The following PREP variants were observed in gnomAD, a reference collection of about 807,000 sequenced individuals.
The protein encoded by PREP is dJ355L5.1 (prolyl endopeptidase).
In PREP, 29 loss-of-function variants were observed where a neutral mutation model predicts 87.6. The ratio of observed to expected loss-of-function variants is 0.33; its 90% CI spans 0.25 to 0.45. The LOEUF (loss-of-function observed/expected upper bound fraction) is 0.45, where lower values mean the gene tolerates loss of function less well. Among genes scored for constraint, PREP ranks in the 20% least tolerant of loss-of-function variants. The pLI is 1.00. For missense variants in PREP, 695 were observed against 886.5 expected (o/e 0.78, Z 2.74); for synonymous variants, 337 against 328.6 (o/e 1.03, Z -0.28).
intron 10 of PREP, chr6:105,323,098 G>T: frequency 1.5e-6 from 2 of 1,304,146 alleles, no homozygotes; most frequent in Non-Finnish European, 1.0e-6. Context: ...GGAAGACTCA[G>T]TACCCTTGGG....
intron 14 of PREP, chr6:105,280,622 G>C (rs1189347457): frequency 6.6e-6 from 1 of 151,886 alleles, no homozygotes; most frequent in African/African-American, 2.4e-5. Flanking sequence ...TTGAGACAGG[G>C]TCTTGGAATG....
In PREP at chr6:105,377,431, A is replaced by AG; in HGVS notation, c.208dup (p.Leu70ProfsTer3). ...GCAACTATACTTGGGATAATCATAT[A>AG]GTTCAGTCATTCTCTCTTTGTATAA... is the stretch of plus-strand genomic sequence containing the variant. On this transcript the variant is annotated frameshift_variant, in exon 3 of 15. Coordinates refer to ENST00000652536, the MANE Select transcript of PREP (RefSeq NM_002726.5). LOFTEE classifies it high-confidence loss of function. 2 of 1,613,688 alleles carry AG rather than the reference A, an allele frequency of 1.2e-6. No homozygotes were observed. The highest frequency in any genetic ancestry group is 8.5e-7 in the Non-Finnish European group (1 of 1,179,698).
intron 6 of PREP, among the ~76,000 whole-genome samples, chr6:105,368,325 A>C (rs1407235129): frequency 1.3e-5 from 2 of 152,220 alleles, no homozygotes; most frequent in African/African-American, 4.8e-5. Context: ...TTCACAGCTG[A>C]TTCTCAAAAT....
At chr6:105,344,352 C>T (rs558004746) in intron 7 of PREP, among the ~76,000 whole-genome samples, 28 of 152,122 alleles carry the variant, frequency 1.8e-4, no homozygotes, top group African/African-American at 5.5e-4. Flanking sequence ...ATTAGCCAGG[C>T]GTGGTGGCGG....
intron 10 of PREP, chr6:105,322,721 G>A (rs1583054732): frequency 1.0e-6 from 1 of 1,003,568 alleles, no homozygotes; most frequent in East Asian, 9.7e-5. Flanking sequence ...AACTGCTGAT[G>A]TAGAACAGGG....
intron 2 of PREP, among the ~76,000 whole-genome samples, chr6:105,391,742 G>C (rs151212547): frequency 1.3e-5 from 2 of 152,232 alleles, no homozygotes; most frequent in Non-Finnish European, 2.9e-5. Flanking sequence ...CTAAGGGACC[G>C]GGAGACCGAC....
At chr6:105,329,573 T>G (rs1771266642) in intron 8 of PREP, among the ~76,000 whole-genome samples, 1 of 152,188 alleles carries the variant, frequency 6.6e-6, no homozygotes, top group African/African-American at 2.4e-5. Context: ...CTAGATAATG[T>G]GTGGAATAGT....
At chr6:105,394,094 G>T (rs933629435) in intron 2 of PREP, among the ~76,000 whole-genome samples, 7 of 151,536 alleles carry the variant, frequency 4.6e-5, no homozygotes, top group Non-Finnish European at 1.0e-4. Context: ...ATAGTTGTAA[G>T]GAACATAAAA....
chr6:105,376,029 C>T, intron 4 of PREP, 96 bp downstream of exon 4: 1 of 1,435,600 alleles, frequency 7.0e-7, no homozygotes, highest in Non-Finnish European at 9.4e-7. Context: ...TGGTCCACAC[C>T]CTGCCTGGCA....
chr6:105,340,625 G>A (rs923800796), intron 7 of PREP, among the ~76,000 whole-genome samples: 2 of 152,194 alleles, frequency 1.3e-5, no homozygotes, highest in Non-Finnish European at 2.9e-5. Flanking sequence ...AGACACATCA[G>A]TGTGCTATAT....
chr6:105,286,439 G>A (rs901518624), intron 11 of PREP, among the ~76,000 whole-genome samples: 1 of 152,148 alleles, frequency 6.6e-6, no homozygotes, highest in East Asian at 1.9e-4. Context: ...GAGATAAGCA[G>A]AAGAAACTAT....
chr6:105,300,679 A>T (rs1472139024), intron 10 of PREP, among the ~76,000 whole-genome samples: 1 of 152,178 alleles, frequency 6.6e-6, no homozygotes, highest in Non-Finnish European at 1.5e-5. Flanking sequence ...ACATAAGTCT[A>T]AAGTTTCAGA....
intron 10 of PREP, chr6:105,299,037 T>C (rs1770476465): frequency 6.6e-6 from 1 of 152,238 alleles, no homozygotes; most frequent in African/African-American, 2.4e-5. Flanking sequence ...CGCAAGGCTG[T>C]AAGGAACCAC....
chr6:105,301,571 AC>A (rs1583043251), intron 10 of PREP, among the ~76,000 whole-genome samples: 1 of 152,182 alleles, frequency 6.6e-6, no homozygotes, highest in East Asian at 1.9e-4. Flanking sequence ...CAGGCATTTA[AC>A]TTTTGGGGAG....
chr6:105,348,537 A>G lies in PREP; in HGVS notation c.823+4435T>C, dbSNP rs151070777. 1.3e-3 allele frequency among the ~76,000 whole-genome samples: 199 copies of G among 152,182 alleles called. 1 individual carries two copies. Among genetic ancestry groups the G allele is most frequent in the African/African-American group, 4.5e-3 (188 of 41,562 alleles). ...TGTATGGAGAGAAATGGAAATCAGA[A>G]TGGGGGAAAGGAGGAGAGGGGGCAA... is the stretch of plus-strand genomic sequence containing the variant. On this transcript the variant is annotated intron_variant, in intron 7 of 14. Transcript: ENST00000652536.
intron 7 of PREP, among the ~76,000 whole-genome samples, chr6:105,347,635 CT>C (rs1771832620): frequency 6.6e-6 from 1 of 152,136 alleles, no homozygotes; most frequent in Admixed American, 6.5e-5. Flanking sequence ...GCTCTGAGCT[CT>C]GATACCCATA....
In PREP at chr6:105,334,579, C is replaced by T. The variant is rs1320147220; in HGVS notation, c.824-1074G>A. Reference sequence around the variant, plus strand: ...ATTAAAAATACAAAAATTAGCTGGGCATGGTGGCACACGCCTGTAATCCCA... The same window carrying T: ...ATTAAAAATACAAAAATTAGCTGGGTATGGTGGCACACGCCTGTAATCCCA... On this transcript the variant is annotated intron_variant, in intron 7 of 14. Coordinates refer to ENST00000652536, the MANE Select transcript of PREP (RefSeq NM_002726.5). 4.6e-5 allele frequency among the ~76,000 whole-genome samples: 7 copies of T among 152,172 alleles called. No homozygotes were observed. The South Asian group carries it at 1.0e-3, about 23-fold the overall frequency.
chr6:105,293,085 TG>T (rs1237650112), intron 10 of PREP, among the ~76,000 whole-genome samples: 1 of 152,224 alleles, frequency 6.6e-6, no homozygotes, highest in Non-Finnish European at 1.5e-5. Flanking sequence ...ATGTCTTCAC[TG>T]AAGTAGCACT....
intron 6 of PREP, among the ~76,000 whole-genome samples, chr6:105,359,682 T>C (rs1485892055): frequency 1.3e-5 from 2 of 152,120 alleles, no homozygotes; most frequent in Non-Finnish European, 2.9e-5. Context: ...CCAGGTCTCA[T>C]CCTCAAGTTG....
Sources: allele counts gnomAD v4.1 joint callset (sites outside exome capture counted in the v4.1 genomes callset), GRCh38; gene constraint gnomAD v4.1.1; transcripts MANE v1.5; gene names NCBI Gene and HGNC (gene_info 2026-07-23, HGNC 2026-07-21).